Variants in ARMC8 observed in about 807,000 individuals in gnomAD.
The protein encoded by ARMC8 is armadillo repeat containing 8.
In ARMC8, 20 loss-of-function variants were observed where a neutral mutation model predicts 99.3. That is an observed-to-expected ratio of 0.20 (90% CI 0.14 to 0.29). The LOEUF is 0.29. Among genes scored for constraint, ARMC8 ranks in the 10% least tolerant of loss-of-function variants. The probability of loss-of-function intolerance (pLI) is 1.00; values close to 1 mark genes in which losing one functional copy is unlikely to be tolerated. For synonymous variants in ARMC8, 263 were observed against 278.3 expected, an observed-to-expected ratio of 0.95 and a Z score of 0.55; for missense variants, 569 against 809.5, an observed-to-expected ratio of 0.70 and a Z score of 3.60.
chr3:138,201,981 G>T (rs1254777045), intron 1 of ARMC8, among the ~76,000 whole-genome samples: 1 of 152,140 alleles, frequency 6.6e-6, no homozygotes, highest in Non-Finnish European at 1.5e-5. Context: ...AACCCTGAGG[G>T]TAAGGAACTC....
intron 12 of ARMC8, among the ~76,000 whole-genome samples, chr3:138,259,837 G>A (rs1417244900): frequency 6.6e-6 from 1 of 152,196 alleles, no homozygotes; most frequent in South Asian, 2.1e-4. Flanking sequence ...TACAGTGATT[G>A]AGCCCTAATG....
chr3:138,264,371 T>A (rs1401031572), intron 14 of ARMC8, among the ~76,000 whole-genome samples, 159 bp downstream of exon 14: 1 of 151,190 alleles, frequency 6.6e-6, no homozygotes, highest in Non-Finnish European at 1.5e-5. Context: ...CATCTACAAA[T>A]GCTTCATGTG....
At chr3:138,205,257 G>T (rs867567842) in intron 1 of ARMC8, among the ~76,000 whole-genome samples, 19 of 150,968 alleles carry the variant, frequency 1.3e-4, no homozygotes, top group Admixed American at 1.3e-4. Context: ...CACCATCTTG[G>T]CCAGGCTGGT....
In ARMC8 at chr3:138,235,021, T is replaced by C. The variant is rs751596389; in HGVS notation, c.529-13T>C. The C allele has an allele frequency of 1.2e-6, 2 of 1,608,174 alleles. No individual in the cohort carries two copies. Among genetic ancestry groups the C allele is most frequent in the Admixed American group, 3.3e-5 (2 of 59,754 alleles). On this transcript the variant is annotated splice_polypyrimidine_tract_variant and intron_variant, in intron 6 of 21. Coordinates refer to ENST00000469044, the MANE Select transcript of ARMC8 (RefSeq NM_001363941.2). ...CTCTTCTAAATATATTGTTGTATTC[T>C]TTTTTCTTACAGGGGCCAGATCATC...
At chr3:138,205,133 A>G (rs1576606986) in intron 1 of ARMC8, among the ~76,000 whole-genome samples, 1 of 122,476 alleles carries the variant, frequency 8.2e-6, no homozygotes, top group Non-Finnish European at 1.6e-5. Context: ...CAGTGACGTG[A>G]TCTTAGCCCA....
At chr3:138,203,172 A>G (rs1261795114) in intron 1 of ARMC8, among the ~76,000 whole-genome samples, 2 of 152,168 alleles carry the variant, frequency 1.3e-5, no homozygotes, top group South Asian at 2.1e-4. Flanking sequence ...GTCTCCAACA[A>G]TCTTATTTTA....
chr3:138,274,362 A>G, intron 17 of ARMC8, 87 bp from the exon 18 acceptor site: 1 of 824,966 alleles, frequency 1.2e-6, no homozygotes, highest in South Asian at 1.6e-5. Context: ...GCAGTTGTGA[A>G]TCATATTGTT....
chr3:138,268,643 A>G (rs2048500845), intron 15 of ARMC8, among the ~76,000 whole-genome samples: 1 of 152,118 alleles, frequency 6.6e-6, no homozygotes, highest in Non-Finnish European at 1.5e-5. Context: ...CAGGCATGGC[A>G]CACACACCTG....
chr3:138,225,434 C>T (rs992381651), intron 5 of ARMC8, among the ~76,000 whole-genome samples: 1 of 152,102 alleles, frequency 6.6e-6, no homozygotes, highest in African/African-American at 2.4e-5. Flanking sequence ...TTTCAATATA[C>T]AATAGATTAT....
At chr3:138,188,396 A>G in intron 1 of ARMC8, 2 of 1,503,920 alleles carry the variant, frequency 1.3e-6, no homozygotes, top group Non-Finnish European at 1.8e-6. Flanking sequence ...TTTTTTTAAA[A>G]AAAGTTTTTT....
At chr3:138,228,241 A>G (rs1576680490) in intron 5 of ARMC8, among the ~76,000 whole-genome samples, 1 of 152,332 alleles carries the variant, frequency 6.6e-6, no homozygotes, top group Middle Eastern at 3.4e-3. Context: ...TGGCCTCCCA[A>G]AGTGCTGGGA....
intron 19 of ARMC8, 109 bp from the exon 20 acceptor site, chr3:138,288,939 G>A (rs767498533): frequency 5.2e-4 from 440 of 851,248 alleles, no homozygotes; most frequent in Admixed American, 1.8e-3. Context: ...ACCTGGCCCT[G>A]CTTCAGACTT....
At chr3:138,215,542 G>T (rs537635137) in intron 2 of ARMC8, among the ~76,000 whole-genome samples, 2 of 152,128 alleles carry the variant, frequency 1.3e-5, no homozygotes, top group East Asian at 1.9e-4. Flanking sequence ...TGTATAAAGC[G>T]CTTAACTGCA....
chr3:138,193,921 T>G (rs1394877910), intron 1 of ARMC8, among the ~76,000 whole-genome samples: 1 of 152,252 alleles, frequency 6.6e-6, no homozygotes, highest in Non-Finnish European at 1.5e-5. Flanking sequence ...TTTTGGTCAC[T>G]TTGTAATGGT....
intron 12 of ARMC8, among the ~76,000 whole-genome samples, chr3:138,263,057 A>G (rs1229794093): frequency 6.6e-6 from 1 of 152,256 alleles, no homozygotes; most frequent in Non-Finnish European, 1.5e-5. Context: ...TGATGTCATG[A>G]GTACTTTATT....
chr3:138,243,581 G>T (rs2046734239), intron 11 of ARMC8, among the ~76,000 whole-genome samples: 1 of 152,108 alleles, frequency 6.6e-6, no homozygotes, highest in African/African-American at 2.4e-5. Flanking sequence ...ATCAGTGTCT[G>T]CTTTGAACAG....
At chr3:138,188,522 C>G (rs562148181) in intron 1 of ARMC8, 2 of 1,613,928 alleles carry the variant, frequency 1.2e-6, no homozygotes, top group Admixed American at 1.7e-5. Context: ...CTGTCCGACT[C>G]TGAGAATGGT....
chr3:138,297,986 C>T lies in ARMC8; in HGVS notation c.*2094C>T, dbSNP rs2051631841. The T allele has an allele frequency of 6.6e-6, 1 of 152,194 alleles. No individual in the cohort carries two copies. The highest frequency in any genetic ancestry group is 2.1e-4 in the South Asian group (1 of 4,832). The allele number at this position is 152,194 out of a possible 1,614,324, so 9.4% of individuals were successfully genotyped here. On this transcript the variant is annotated 3_prime_UTR_variant, in exon 22 of 22. Transcript: ENST00000469044. ...ACTTAAACTCTGTGGATAAATTTTGCCTGTGGGTATAAACAGATGGTCAAA... is the reference window on the plus strand; with the variant it reads ...ACTTAAACTCTGTGGATAAATTTTGTCTGTGGGTATAAACAGATGGTCAAA...
At chr3:138,292,007 C>T (rs2050994530) in intron 21 of ARMC8, among the ~76,000 whole-genome samples, 1 of 151,982 alleles carries the variant, frequency 6.6e-6, no homozygotes, top group African/African-American at 2.4e-5. Context: ...GATTTGAATT[C>T]CTTTTTTCCT....
Sources: gnomAD v4.1 joint callset for allele counts (sites outside exome capture counted in the v4.1 genomes callset) on GRCh38, gnomAD v4.1.1 for gene constraint, MANE v1.5 for transcripts, NCBI Gene and HGNC (gene_info 2026-07-23, HGNC 2026-07-21) for gene names.